PIEZO2: variants seen among roughly 807,000 people sequenced by gnomAD.
PIEZO2 encodes the protein piezo type mechanosensitive ion channel component 2.
PIEZO2 carries 172 observed loss-of-function variants against 337.3 expected under a neutral mutation model. The ratio of observed to expected loss-of-function variants is 0.51; its 90% CI spans 0.45 to 0.58. The LOEUF is 0.58. Among genes scored for constraint, PIEZO2 ranks in the 20% least tolerant of loss-of-function variants. PIEZO2 has a pLI of 0.00. For synonymous variants in PIEZO2, 1,251 were observed against 1,228.5 expected, an observed-to-expected ratio of 1.02 and a Z score of -0.38; for missense variants, 3,028 against 3,391.3, an observed-to-expected ratio of 0.89 and a Z score of 2.66.
At chr18:11,023,561 C>T (rs963179394) in intron 2 of PIEZO2, among the ~76,000 whole-genome samples, 4 of 152,270 alleles carry the variant, frequency 2.6e-5, no homozygotes, top group Non-Finnish European at 4.4e-5. Flanking sequence ...AAGTCCCCAC[C>T]AGAGTCAGGA....
chr18:10,843,639 G>A (rs2041261340), intron 7 of PIEZO2, among the ~76,000 whole-genome samples: 1 of 152,162 alleles, frequency 6.6e-6, no homozygotes, highest in Admixed American at 6.5e-5. Context: ...TGTAGAAAGG[G>A]TAATTTTTTC....
In PIEZO2 at chr18:11,021,713, A is replaced by G. The variant is rs1406086024; in HGVS notation, c.161-42053T>C. 6.6e-6 allele frequency among the ~76,000 whole-genome samples: 1 copy of G among 152,128 alleles called. No homozygotes were observed. Among genetic ancestry groups the G allele is most frequent in the Non-Finnish European group, 1.5e-5 (1 of 68,024 alleles). ...TGAGAAAACCACGTCCCTCCCACCC[A>G]TGCCTTCACAAGTTCATTCTATTCA... On this transcript the variant is annotated intron_variant, in intron 2 of 55. Transcript: ENST00000674853. The surrounding 1 kb of genome is among the most constrained non-coding windows in gnomAD (Gnocchi z 4.7).
At chr18:10,808,715 AAAAGTTATGCCCCAC>A (rs1338437651) in intron 7 of PIEZO2, among the ~76,000 whole-genome samples, 3 of 152,228 alleles carry the variant, frequency 2.0e-5, no homozygotes, top group African/African-American at 7.2e-5. Context: ...CCTGAGTGAA[AAAAGTTATGCCCCAC>A]TTAGAATGGT....
chr18:10,972,188 AAAAG>A (rs1323088879), intron 3 of PIEZO2, among the ~76,000 whole-genome samples: 8 of 151,816 alleles, frequency 5.3e-5, no homozygotes, highest in Non-Finnish European at 8.8e-5. Context: ...AAAAAAAAAA[AAAAG>A]AGAGAGAGAG....
chr18:10,810,874 CATA>C (rs754592672), intron 7 of PIEZO2, among the ~76,000 whole-genome samples: 4 of 152,168 alleles, frequency 2.6e-5, no homozygotes, highest in Non-Finnish European at 5.9e-5. Flanking sequence ...ACTGCAATCC[CATA>C]ATATGTGCAT....
At chr18:10,772,470 G>A (rs1448359256) in intron 20 of PIEZO2, among the ~76,000 whole-genome samples, 2 of 152,224 alleles carry the variant, frequency 1.3e-5, no homozygotes, top group Admixed American at 1.3e-4. Flanking sequence ...CCTTCACACT[G>A]AGGAATTCAC....
chr18:11,093,160 C>A lies in PIEZO2; in HGVS notation c.65-26938G>T, dbSNP rs559702927. On this transcript the variant is annotated intron_variant, in intron 1 of 55. Coordinates refer to ENST00000674853, the MANE Select transcript of PIEZO2 (RefSeq NM_001378183.1). ...AGCTTAGCTAAAAACAGTACCTTTT[C>A]TCTCTCAATTATATAGTAACCTGAC... 4.6e-5 allele frequency among the ~76,000 whole-genome samples: 7 copies of A among 152,228 alleles called. No homozygotes were observed. The South Asian group carries it at 1.5e-3, about 32-fold the overall frequency.
intron 2 of PIEZO2, among the ~76,000 whole-genome samples, chr18:11,041,714 C>T (rs190655444): frequency 3.3e-5 from 5 of 152,184 alleles, no homozygotes; most frequent in South Asian, 2.1e-4. Context: ...TGCTGCTTAA[C>T]GACAACTTAT....
rs1214018596 is a variant in PIEZO2 at position 10,837,342 on chromosome 18, A to G, written c.917+18011T>C. On this transcript the variant is annotated intron_variant, in intron 7 of 55. Coordinates refer to ENST00000674853, the MANE Select transcript of PIEZO2 (RefSeq NM_001378183.1). This position sits in a 1 kb window ranked among gnomAD's most constrained non-coding sequence, Gnocchi z 4.4. ...AAGTCCCCTGTGAGGGGAACACAGC[A>G]TCTTCTGAGAATACCTTTTCCAACT... Among the ~76,000 whole-genome samples, 3 of 152,216 alleles carry G rather than the reference A, an allele frequency of 2.0e-5. No individual in the cohort carries two copies. The highest frequency in any genetic ancestry group is 4.8e-5 in the African/African-American group (2 of 41,464).
rs1296398840 is a variant in PIEZO2 at position 10,769,307 on chromosome 18, G to C, written c.2946+841C>G. On this transcript the variant is annotated intron_variant, in intron 21 of 55. Transcript: ENST00000674853. Reference sequence around the variant, plus strand: ...ATGGCTTCTGTTTTCATTCCCACTTGGCAATGATTCCCTGCCCATTTCATA... The same window carrying C: ...ATGGCTTCTGTTTTCATTCCCACTTCGCAATGATTCCCTGCCCATTTCATA... 2.0e-5 allele frequency among the ~76,000 whole-genome samples: 3 copies of C among 152,280 alleles called. No homozygotes were observed. The East Asian group carries it at 5.8e-4, about 29-fold the overall frequency.
At chr18:11,133,033 GGTA>G (rs1388045183) in intron 1 of PIEZO2, among the ~76,000 whole-genome samples, 1 of 152,116 alleles carries the variant, frequency 6.6e-6, no homozygotes, top group Non-Finnish European at 1.5e-5. Flanking sequence ...ATACAGAATG[GGTA>G]GTAGAAGAAG....
At chr18:10,820,385 T>C (rs2040487592) in intron 7 of PIEZO2, among the ~76,000 whole-genome samples, 1 of 151,642 alleles carries the variant, frequency 6.6e-6, no homozygotes, top group African/African-American at 2.4e-5. Flanking sequence ...TGTGCTTCAA[T>C]TTGGGTAGGA....
At chr18:11,030,177 A>G (rs1004800739) in intron 2 of PIEZO2, among the ~76,000 whole-genome samples, 3 of 152,196 alleles carry the variant, frequency 2.0e-5, no homozygotes, top group African/African-American at 7.2e-5. Flanking sequence ...ATGGTAATAA[A>G]CACAACTAAG....
At chr18:10,788,675 T>C (rs2039313906) in intron 15 of PIEZO2, among the ~76,000 whole-genome samples, 2 of 152,154 alleles carry the variant, frequency 1.3e-5, no homozygotes, top group African/African-American at 4.8e-5. Context: ...CCTCCTGGGA[T>C]CAAGTGATCC....
chr18:10,806,418 C>T (rs1288657138), intron 8 of PIEZO2, among the ~76,000 whole-genome samples: 1 of 152,102 alleles, frequency 6.6e-6, no homozygotes, highest in Non-Finnish European at 1.5e-5. Context: ...AGAAGAGAAG[C>T]CACCCAGGCT....
rs182035989 is a variant in PIEZO2 at position 11,109,355 on chromosome 18, C to T, written c.64+39170G>A. ...ATTACTGGGCATGTATTTTAATGGC[C>T]GTCTCTGTTAGCTATTTGATGGGGT... On this transcript the variant is annotated intron_variant, in intron 1 of 55. Transcript: ENST00000674853. The surrounding 1 kb of genome is among the most constrained non-coding windows in gnomAD (Gnocchi z 5.1). Among the ~76,000 whole-genome samples the T allele has an allele frequency of 6.0e-4, 92 of 152,170 alleles. No homozygotes were observed. The highest frequency in any genetic ancestry group is 2.1e-3 in the African/African-American group (88 of 41,528).
rs781061630 is a variant in PIEZO2 at position 11,028,502 on chromosome 18, C to A, written c.160+37625G>T. On this transcript the variant is annotated intron_variant, in intron 2 of 55. Transcript: ENST00000674853. This position sits in a 1 kb window ranked among gnomAD's most constrained non-coding sequence, Gnocchi z 4.8. ...TCCCGAACTCCTGACCTCAGATGAT[C>A]CGCCAGCCTTGGACTCCCAAAGTGC... Among the ~76,000 whole-genome samples, 27 of 152,248 alleles carry A rather than the reference C, an allele frequency of 1.8e-4. No homozygotes were observed. Among genetic ancestry groups the A allele is most frequent in the Non-Finnish European group, 2.1e-4 (14 of 68,030 alleles).
intron 45 of PIEZO2, among the ~76,000 whole-genome samples, chr18:10,697,020 G>A (rs2035123420): frequency 1.3e-5 from 2 of 152,302 alleles, no homozygotes; most frequent in Admixed American, 6.5e-5. Flanking sequence ...GTCCATGCGC[G>A]TTTGAATGTG....
In PIEZO2 at chr18:10,672,568, G is replaced by T; in HGVS notation, c.8345+122C>A. 9.4e-7 allele frequency: 1 copy of T among 1,060,496 alleles called. No individual in the cohort carries two copies. Among genetic ancestry groups the T allele is most frequent in the Non-Finnish European group, 1.4e-6 (1 of 727,892 alleles). The allele number at this position is 1,060,496 out of a possible 1,614,324, so 65.7% of individuals were successfully genotyped here. A position where few individuals can be genotyped will look rare whatever the true frequency, so the allele number is the denominator to read the frequency against. On this transcript the variant is annotated intron_variant, in intron 55 of 55. Coordinates refer to ENST00000674853, the MANE Select transcript of PIEZO2 (RefSeq NM_001378183.1). This position sits in a 1 kb window ranked among gnomAD's most constrained non-coding sequence, Gnocchi z 4.7. ...AAATAAAATGCACACAAGGATGTGT[G>T]CATTTTAATACTGCAGCTCTAAAAT...
Sources: allele counts gnomAD v4.1 joint callset (sites outside exome capture counted in the v4.1 genomes callset), GRCh38; gene constraint gnomAD v4.1.1; non-coding constraint Gnocchi (gnomAD v3.1); transcripts MANE v1.5; gene names NCBI Gene and HGNC (gene_info 2026-07-23, HGNC 2026-07-21).